Variants in PCDH9 observed in about 807,000 individuals in gnomAD.
PCDH9 encodes protocadherin 9.
PCDH9 carries 24 observed loss-of-function variants against 70.6 expected under a neutral mutation model. That is an observed-to-expected ratio of 0.34 (90% CI 0.25 to 0.48). The LOEUF is 0.48. PCDH9 is among the 20% of genes least tolerant of loss of function. The probability of loss-of-function intolerance (pLI) is 0.99; values close to 1 mark genes in which losing one functional copy is unlikely to be tolerated. For missense variants in PCDH9, 1,281 were observed against 1,503.6 expected (o/e 0.85, Z 2.45); for synonymous variants, 562 against 558.5 (o/e 1.01, Z -0.09).
At chr13:66,890,148 T>C (rs888191156) in intron 3 of PCDH9, among the ~76,000 whole-genome samples, 1 of 152,170 alleles carries the variant, frequency 6.6e-6, no homozygotes, top group African/African-American at 2.4e-5. Flanking sequence ...AGATGTTCTC[T>C]ACATGGAAAA....
intron 4 of PCDH9, among the ~76,000 whole-genome samples, chr13:66,501,622 TTCTC>T (rs1184394756): frequency 6.6e-6 from 1 of 152,080 alleles, no homozygotes; most frequent in African/African-American, 2.4e-5. Context: ...AAAAGTCTCT[TTCTC>T]AATAGCAGCA....
intron 4 of PCDH9, among the ~76,000 whole-genome samples, chr13:66,433,159 T>C (rs1217009805): frequency 6.6e-6 from 1 of 151,970 alleles, no homozygotes; most frequent in African/African-American, 2.4e-5. Context: ...AACACACTTA[T>C]TAAATGTCAA....
At chr13:66,687,094 G>A (rs1482893769) in intron 3 of PCDH9, among the ~76,000 whole-genome samples, 1 of 152,130 alleles carries the variant, frequency 6.6e-6, no homozygotes, top group Non-Finnish European at 1.5e-5. Context: ...AGTATTATGA[G>A]ATGAGGGTTA....
intron 3 of PCDH9, among the ~76,000 whole-genome samples, chr13:66,740,678 A>G (rs1033166392): frequency 1.3e-5 from 2 of 151,718 alleles, no homozygotes; most frequent in African/African-American, 4.8e-5. Flanking sequence ...GATCCCACAG[A>G]AATACAAACT....
intron 2 of PCDH9, among the ~76,000 whole-genome samples, chr13:66,953,088 A>C (rs2083210221): frequency 6.6e-6 from 1 of 151,464 alleles, no homozygotes. Flanking sequence ...TCAAAAAAAA[A>C]CAAGAAGCAC....
chr13:67,045,062 A>G (rs1347235110), intron 2 of PCDH9, among the ~76,000 whole-genome samples: 1 of 152,182 alleles, frequency 6.6e-6, no homozygotes, highest in African/African-American at 2.4e-5. Flanking sequence ...AAAGATTGAG[A>G]CATTCACAGA....
At chr13:67,043,758 G>T (rs1376550868) in intron 2 of PCDH9, among the ~76,000 whole-genome samples, 1 of 152,112 alleles carries the variant, frequency 6.6e-6, no homozygotes, top group Non-Finnish European at 1.5e-5. Flanking sequence ...CTCTGTAGTG[G>T]CTTCATCAGA....
chr13:67,000,411 G>C (rs936619880), intron 2 of PCDH9, among the ~76,000 whole-genome samples: 1 of 151,360 alleles, frequency 6.6e-6, no homozygotes, highest in Non-Finnish European at 1.5e-5. Flanking sequence ...CAGCACACCA[G>C]CATGGCACAT....
intron 3 of PCDH9, among the ~76,000 whole-genome samples, chr13:66,807,525 A>G (rs1315098863): frequency 6.6e-6 from 1 of 152,316 alleles, no homozygotes; most frequent in South Asian, 2.1e-4. Flanking sequence ...AAGTTCCTTA[A>G]CTTCTCTGGC....
rs201958170 is a variant in PCDH9 at position 66,559,815 on chromosome 13, A to T, written c.3340+71395T>A. On this transcript the variant is annotated intron_variant, in intron 4 of 4. Transcript: ENST00000377865. ...ACTCCATCTCAAAAAAAAAAAAAAA[A>T]AAATATATATATATATATACACACA... Among the ~76,000 whole-genome samples the T allele has an allele frequency of 3.5e-4, 22 of 63,572 alleles. No individual in the cohort carries two copies. The East Asian group carries it at 6.0e-3, about 17-fold the overall frequency. 41.7% of individuals were successfully genotyped at this position (63,572 alleles called of 152,430 possible).
chr13:66,751,217 T>G (rs922665882), intron 3 of PCDH9, among the ~76,000 whole-genome samples: 38 of 152,110 alleles, frequency 2.5e-4, no homozygotes, highest in Non-Finnish European at 2.9e-5. Context: ...GATCAAATTT[T>G]TTTTTTCATT....
intron 3 of PCDH9, among the ~76,000 whole-genome samples, chr13:66,652,351 A>C (rs1361920775): frequency 1.3e-5 from 2 of 152,142 alleles, no homozygotes; most frequent in Non-Finnish European, 2.9e-5. Flanking sequence ...CAATCTGAAA[A>C]AGAAATCAAG....
In PCDH9 at chr13:66,396,377, G is replaced by A. The variant is rs185438391; in HGVS notation, c.3341-91349C>T. Among the ~76,000 whole-genome samples the A allele has an allele frequency of 5.3e-4, 80 of 152,234 alleles. 2 individuals are homozygous for A. Among genetic ancestry groups the A allele is most frequent in the Middle Eastern group, 3.4e-3 (1 of 294 alleles). ...TGCCAAGGGCATAGTAGCTTCTCCC[G>A]AATAGGTGATCAACTGACTGGATAA... On this transcript the variant is annotated intron_variant, in intron 4 of 4. Transcript: ENST00000377865.
At chr13:66,648,217 T>C (rs2077798957) in intron 3 of PCDH9, among the ~76,000 whole-genome samples, 1 of 152,166 alleles carries the variant, frequency 6.6e-6, no homozygotes, top group Admixed American at 6.5e-5. Context: ...ACATAGGTGG[T>C]ACCCAGGCAG....
chr13:66,820,553 A>C (rs1179856273), intron 3 of PCDH9, among the ~76,000 whole-genome samples: 1 of 152,180 alleles, frequency 6.6e-6, no homozygotes, highest in Non-Finnish European at 1.5e-5. Context: ...ACATGTGTGC[A>C]TTTGTTGCAG....
chr13:66,797,637 C>T (rs961355566), intron 3 of PCDH9, among the ~76,000 whole-genome samples: 5 of 152,122 alleles, frequency 3.3e-5, no homozygotes, highest in African/African-American at 1.2e-4. Context: ...TTTAAAATAA[C>T]TCAACGTTAA....
intron 4 of PCDH9, among the ~76,000 whole-genome samples, chr13:66,466,413 A>T (rs1412305441): frequency 6.6e-6 from 1 of 152,066 alleles, no homozygotes; most frequent in East Asian, 1.9e-4. Flanking sequence ...GTATTCCCTC[A>T]AGCCAGTCCA....
chr13:67,173,389 C>T (rs2088351744), intron 2 of PCDH9, among the ~76,000 whole-genome samples: 1 of 152,088 alleles, frequency 6.6e-6, no homozygotes, highest in Admixed American at 6.6e-5. Flanking sequence ...ATAACTTAGT[C>T]CCTTGAAAGA....
At chr13:66,414,019 GC>G (rs1566307075) in intron 4 of PCDH9, among the ~76,000 whole-genome samples, 2 of 151,574 alleles carry the variant, frequency 1.3e-5, no homozygotes, top group African/African-American at 4.8e-5. Context: ...TAGAAAAGGG[GC>G]TTTTTTTTCA....
Sources: gnomAD v4.1 joint callset for allele counts (sites outside exome capture counted in the v4.1 genomes callset) on GRCh38, gnomAD v4.1.1 for gene constraint, MANE v1.5 for transcripts, NCBI Gene and HGNC (gene_info 2026-07-23, HGNC 2026-07-21) for gene names.